DIS3L2: variants seen among roughly 807,000 people sequenced by gnomAD.
DIS3L2 encodes DIS3 like 3'-5' exoribonuclease 2.
A neutral mutation model predicts 97.5 loss-of-function variants in DIS3L2; 34 were observed. The observed-to-expected ratio is 0.35, with a 90% CI of 0.27 to 0.46. DIS3L2 has a LOEUF of 0.46. Ranked by LOEUF, DIS3L2 falls within the 20% of genes least tolerant of loss-of-function variation. The probability of loss-of-function intolerance (pLI) is 1.00; values close to 1 mark genes in which losing one functional copy is unlikely to be tolerated. For missense variants in DIS3L2, 1,038 were observed against 1,146.0 expected (o/e 0.91, Z 1.36); for synonymous variants, 435 against 445.2 (o/e 0.98, Z 0.29).
chr2:232,121,704 T>A (rs960502790), intron 6 of DIS3L2, among the ~76,000 whole-genome samples: 3 of 152,108 alleles, frequency 2.0e-5, no homozygotes, highest in Non-Finnish European at 4.4e-5. Flanking sequence ...CCCCAGAGGC[T>A]CCGAGTCTGT....
At chr2:232,063,077 G>C (rs544831630) in intron 5 of DIS3L2, among the ~76,000 whole-genome samples, 1 of 152,006 alleles carries the variant, frequency 6.6e-6, no homozygotes, top group African/African-American at 2.4e-5. Context: ...GTATCACTAG[G>C]TCACCTGCTT....
At chr2:232,125,968 C>A (rs181617600) in intron 6 of DIS3L2, among the ~76,000 whole-genome samples, 27 of 152,322 alleles carry the variant, frequency 1.8e-4, no homozygotes, top group Admixed American at 1.8e-3. Context: ...ATACTGCATT[C>A]TTTTCATTGA....
intron 14 of DIS3L2, among the ~76,000 whole-genome samples, chr2:232,308,283 C>T (rs1333540022): frequency 6.6e-6 from 1 of 152,216 alleles, no homozygotes; most frequent in Non-Finnish European, 1.5e-5. Context: ...GCCTGCTCCT[C>T]TGCCCTGCTG....
intron 8 of DIS3L2, among the ~76,000 whole-genome samples, chr2:232,143,490 TAAC>T (rs1163573339): frequency 6.6e-6 from 1 of 152,134 alleles, no homozygotes; most frequent in African/African-American, 2.4e-5. Flanking sequence ...AATATCAAAT[TAAC>T]AAACATTTCT....
chr2:232,082,442 G>A (rs1696430905), intron 5 of DIS3L2, among the ~76,000 whole-genome samples: 1 of 152,132 alleles, frequency 6.6e-6, no homozygotes, highest in Non-Finnish European at 1.5e-5. Flanking sequence ...TGTCAGATCA[G>A]CAGGGGCATT....
chr2:231,962,437 C>CT (rs752430172), intron 1 of DIS3L2, among the ~76,000 whole-genome samples: 58,934 of 131,972 alleles, frequency 0.45, 14,951 homozygotes, highest in African/African-American at 0.66. Context: ...CTACCGTTAC[C>CT]TTTTTTTTTT....
At chr2:232,130,595 T>G in intron 6 of DIS3L2, 24 bp from the exon 7 acceptor site, 1 of 1,600,322 alleles carries the variant, frequency 6.2e-7, no homozygotes, top group Non-Finnish European at 8.5e-7. Flanking sequence ...TGACTCCTCT[T>G]CTCTCTTTAT....
intron 3 of DIS3L2, among the ~76,000 whole-genome samples, chr2:232,019,133 A>G (rs1367717233): frequency 1.3e-5 from 2 of 152,182 alleles, no homozygotes; most frequent in Non-Finnish European, 2.9e-5. Context: ...TGTCTTAGTC[A>G]TGATGTCGGA....
chr2:232,136,745 C>G (rs1169096313), intron 8 of DIS3L2, 26 bp downstream of exon 8: 1 of 1,609,576 alleles, frequency 6.2e-7, no homozygotes, highest in Non-Finnish European at 8.5e-7. Flanking sequence ...TAGGAAAAAC[C>G]ACAGGTCACA....
chr2:232,169,176 T>C (rs777352051), intron 9 of DIS3L2, among the ~76,000 whole-genome samples: 38 of 152,264 alleles, frequency 2.5e-4, no homozygotes, highest in Non-Finnish European at 4.9e-4. Context: ...TTGATTTTCC[T>C]AGGAATGTCA....
chr2:232,005,560 C>T (rs903249430), intron 1 of DIS3L2, among the ~76,000 whole-genome samples: 5 of 152,132 alleles, frequency 3.3e-5, no homozygotes, highest in African/African-American at 9.7e-5. Context: ...TTCTATTTCC[C>T]TCCCCACAAA....
At chr2:231,976,009 C>A (rs1007419680) in intron 1 of DIS3L2, among the ~76,000 whole-genome samples, 2 of 152,034 alleles carry the variant, frequency 1.3e-5, no homozygotes, top group African/African-American at 4.8e-5. Flanking sequence ...CACACACACA[C>A]CCCTGTTTAA....
Position 232,136,647 on chromosome 2 carries a change from C to A in DIS3L2, c.878C>A (p.Pro293His), listed in dbSNP as rs187563594. The A allele has an allele frequency of 2.1e-4, 339 of 1,613,838 alleles. 1 individual carries two copies. The African/African-American group carries it at 4.4e-3, about 21-fold the overall frequency. The change falls in exon 8 of 21, where the codon CCT becomes CAT. Residue 293 changes from proline (P) to histidine (H), a missense_variant. By Grantham distance (77) the Pro-to-His change is moderately conservative (BLOSUM62 -2). This residue lies in a region of DIS3L2 where 813 missense variants were observed against 880.1 expected (regional missense o/e 0.92). Coordinates refer to ENST00000325385, the MANE Select transcript of DIS3L2 (RefSeq NM_152383.5). ...TGTCCCCAGGACTTTGTGGCACGGC[C>A]TAAAGATTATGCCAACACACTGTTC... is the stretch of plus-strand genomic sequence containing the variant. ...KDCPQDFVAR[P>H]KDYANTLFIC...
At chr2:232,123,025 A>G (rs1444454694) in intron 6 of DIS3L2, among the ~76,000 whole-genome samples, 1 of 152,204 alleles carries the variant, frequency 6.6e-6, no homozygotes, top group African/African-American at 2.4e-5. Context: ...GCTGTTGATC[A>G]TTAGGCAGCT....
intron 5 of DIS3L2, among the ~76,000 whole-genome samples, chr2:232,064,483 A>G (rs894712644): frequency 2.6e-5 from 4 of 152,200 alleles, no homozygotes; most frequent in Admixed American, 2.6e-4. Context: ...ATTAAGAACA[A>G]TGCCCCTGTG....
At chr2:232,040,936 A>G (rs944079624) in intron 5 of DIS3L2, among the ~76,000 whole-genome samples, 2 of 152,264 alleles carry the variant, frequency 1.3e-5, no homozygotes, top group Admixed American at 6.5e-5. Context: ...CATAATAATT[A>G]GCACACATTT....
chr2:232,090,328 C>T (rs898657169), intron 6 of DIS3L2, among the ~76,000 whole-genome samples: 1 of 152,022 alleles, frequency 6.6e-6, no homozygotes. Context: ...CCTTCCTAGC[C>T]CACTGTTATT....
In DIS3L2 at chr2:232,037,551, T is replaced by G. The variant is rs1032447322; in HGVS notation, c.366+7471T>G. Among the ~76,000 whole-genome samples, 1 of 152,086 alleles carries G rather than the reference T, an allele frequency of 6.6e-6. No individual in the cohort carries two copies. The highest frequency in any genetic ancestry group is 1.5e-5 in the Non-Finnish European group (1 of 67,998). On this transcript the variant is annotated intron_variant, in intron 5 of 20. Transcript: ENST00000325385. This position sits in a 1 kb window ranked among gnomAD's most constrained non-coding sequence, Gnocchi z 4.6. Reference sequence around the variant, plus strand: ...TTTTCCAGCGGGGTGAACAGTTCTCTCTCACTGGTATACCAGGAGTCACTG... The same window carrying G: ...TTTTCCAGCGGGGTGAACAGTTCTCGCTCACTGGTATACCAGGAGTCACTG...
At position 232,334,285 on chromosome 2, in the gene DIS3L2, G is replaced by A. The variant is rs1575027654; in HGVS notation, c.2159-84G>A. On this transcript the variant is annotated intron_variant, in intron 17 of 20. Transcript: ENST00000325385. Reference sequence around the variant, plus strand: ...GGGGTCCTAATCTGTCGGCGGGGGTGCAGCGCCATGCAGCCCATCCCCCAG... The same window carrying A: ...GGGGTCCTAATCTGTCGGCGGGGGTACAGCGCCATGCAGCCCATCCCCCAG... 10 of 1,487,072 alleles carry A rather than the reference G, an allele frequency of 6.7e-6. No homozygotes were observed. The East Asian group carries it at 1.9e-4, about 29-fold the overall frequency. 92.1% of individuals were successfully genotyped at this position (1,487,072 alleles called of 1,614,324 possible).
Sources: allele counts gnomAD v4.1 joint callset (sites outside exome capture counted in the v4.1 genomes callset), GRCh38; gene constraint gnomAD v4.1.1; regional missense constraint gnomAD v4.1.1; non-coding constraint Gnocchi (gnomAD v3.1); transcripts MANE v1.5; gene names NCBI Gene and HGNC (gene_info 2026-07-23, HGNC 2026-07-21).